Variants in ZFHX3 observed in about 807,000 individuals in gnomAD.
ZFHX3 encodes zinc finger homeobox protein 3.
In ZFHX3, 42 loss-of-function variants were observed where a neutral mutation model predicts 279.1. The observed-to-expected ratio is 0.15, with a 90% CI of 0.12 to 0.19. ZFHX3 has a LOEUF of 0.19. Ranked by LOEUF, ZFHX3 falls within the 10% of genes least tolerant of loss-of-function variation. ZFHX3 has a pLI of 1.00. For missense variants in ZFHX3, 4,981 were observed against 4,754.0 expected, an observed-to-expected ratio of 1.05 and a Z score of -1.40; for synonymous variants, 2,293 against 1,957.8, an observed-to-expected ratio of 1.17 and a Z score of -4.52.
intron 1 of ZFHX3, chr16:73,015,076 T>C (rs1964054228): frequency 7.4e-6 from 1 of 135,182 alleles, no homozygotes; most frequent in South Asian, 2.6e-4. Context: ...AGATAGGGTC[T>C]CACTCTGTCT....
Position 73,237,725 on chromosome 16 carries a change from G to GT in ZFHX3, c.-1104+19321dup, listed in dbSNP as rs576360376. Among the ~76,000 whole-genome samples the GT allele has an allele frequency of 2.2e-3, 338 of 151,562 alleles. 2 individuals are homozygous for GT. The highest frequency in any genetic ancestry group is 0.014 in the Middle Eastern group (4 of 294). ...CCCCGCCTCACTTCTTCACCATGAG[G>GT]TTTTTTTTCTCATAGCCTATGTTAT... On this transcript the variant is annotated intron_variant, in intron 5 of 17. Coordinates refer to the ZFHX3 transcript ENST00000641206.
chr16:73,058,361 G>GGGC (rs1317430540), intron 1 of ZFHX3, among the ~76,000 whole-genome samples: 3 of 149,142 alleles, frequency 2.0e-5, no homozygotes, highest in Non-Finnish European at 4.5e-5. Flanking sequence ...CGGGGAGCGC[G>GGGC]GGCGGCGGCG....
At chr16:73,333,691 A>G (rs1381402450) in intron 3 of ZFHX3, among the ~76,000 whole-genome samples, 1 of 152,024 alleles carries the variant, frequency 6.6e-6, no homozygotes, top group East Asian at 1.9e-4. Context: ...ATAACCAGCA[A>G]AAGAACTGGA....
At chr16:73,560,230 T>G (rs1029344545) in intron 2 of ZFHX3, among the ~76,000 whole-genome samples, 1 of 89,972 alleles carries the variant, frequency 1.1e-5, no homozygotes, top group African/African-American at 6.0e-5. Context: ...GACCGCAATG[T>G]GCAAGAGATG....
chr16:73,568,067 A>G (rs181187785), intron 2 of ZFHX3, among the ~76,000 whole-genome samples: 2 of 152,326 alleles, frequency 1.3e-5, no homozygotes, highest in East Asian at 3.9e-4. Flanking sequence ...TGAATGTCAC[A>G]AACACCATTC....
chr16:73,070,928 G>A lies in ZFHX3; in HGVS notation c.-532-11916C>T, dbSNP rs1174132967. On this transcript the variant is annotated intron_variant, in intron 8 of 17. Transcript: ENST00000641206. ...CCTAGACCGTCTTGCGCGCGCGCGC[G>A]CGCGCGCGCGCACACACACACACAC... 7.0e-3 allele frequency among the ~76,000 whole-genome samples: 220 copies of A among 31,408 alleles called. 1 individual carries two copies. The highest frequency in any genetic ancestry group is 0.017 in the African/African-American group (211 of 12,288). The allele number at this position is 31,408 out of a possible 152,430, so 20.6% of individuals were successfully genotyped here.
chr16:73,305,332 G>A (rs1265465317), intron 4 of ZFHX3, among the ~76,000 whole-genome samples: 3 of 152,138 alleles, frequency 2.0e-5, no homozygotes, highest in Non-Finnish European at 4.4e-5. Flanking sequence ...TCATTATGAA[G>A]GAGAGCAACA....
chr16:73,449,326 G>A (rs79060970), intron 3 of ZFHX3, among the ~76,000 whole-genome samples: 2,215 of 152,160 alleles, frequency 0.015, 55 homozygotes, highest in African/African-American at 0.051. Context: ...TTAGGCATGC[G>A]CAAGAAATTA....
chr16:72,874,230 A>G (rs1481105955), intron 4 of ZFHX3, among the ~76,000 whole-genome samples: 1 of 94,790 alleles, frequency 1.1e-5, no homozygotes, highest in African/African-American at 5.8e-5. Flanking sequence ...TTTTTTTGAG[A>G]CAGTCTCACT....
intron 5 of ZFHX3, among the ~76,000 whole-genome samples, chr16:73,188,524 T>A (rs1194597689): frequency 6.6e-6 from 1 of 152,232 alleles, no homozygotes; most frequent in Non-Finnish European, 1.5e-5. Flanking sequence ...TTTGACTTGC[T>A]TCCTCTCTAG....
At chr16:73,206,045 G>A (rs2011788355) in intron 5 of ZFHX3, among the ~76,000 whole-genome samples, 2 of 152,222 alleles carry the variant, frequency 1.3e-5, no homozygotes, top group South Asian at 2.1e-4. Context: ...AGAAAACAAC[G>A]GATATTCTGC....
At chr16:73,681,874 G>C (rs1302501284) in intron 1 of ZFHX3, among the ~76,000 whole-genome samples, 1 of 152,190 alleles carries the variant, frequency 6.6e-6, no homozygotes, top group Non-Finnish European at 1.5e-5. Context: ...CTATGTATTA[G>C]TGACTTCCTC....
rs117818071 is a variant in ZFHX3 at position 73,691,669 on chromosome 16, A to G, written c.-1607-11429T>C. On this transcript the variant is annotated intron_variant, in intron 1 of 17. Transcript: ENST00000641206. ...TTCCCATTTTACATCAGGCTTACAG[A>G]GATTAAGTAACTTCCCAAGAAAAAC... Among the ~76,000 whole-genome samples, 750 of 152,346 alleles carry G rather than the reference A, an allele frequency of 4.9e-3. 1 individual carries two copies. The highest frequency in any genetic ancestry group is 8.1e-3 in the Non-Finnish European group (551 of 68,036).
intron 2 of ZFHX3, among the ~76,000 whole-genome samples, chr16:73,468,864 G>T (rs548455015): frequency 2.8e-4 from 43 of 152,206 alleles, no homozygotes; most frequent in Admixed American, 2.6e-4. Context: ...CTTCATATAG[G>T]GTCAGCTCTG....
chr16:73,886,283 ATAT>A (rs1243257686), intron 1 of ZFHX3, among the ~76,000 whole-genome samples: 1 of 152,172 alleles, frequency 6.6e-6, no homozygotes, highest in East Asian at 1.9e-4. Flanking sequence ...TTATGGATTA[ATAT>A]TATCAAATTT....
intron 2 of ZFHX3, among the ~76,000 whole-genome samples, chr16:73,473,008 AC>A (rs2018696028): frequency 6.8e-6 from 1 of 146,866 alleles, no homozygotes; most frequent in African/African-American, 2.5e-5. Flanking sequence ...TTTTGCCAGG[AC>A]CCTGACTAGT....
chr16:73,291,792 T>C (rs890423742), intron 4 of ZFHX3, among the ~76,000 whole-genome samples: 1 of 152,234 alleles, frequency 6.6e-6, no homozygotes, highest in African/African-American at 2.4e-5. Flanking sequence ...TTGATCATTC[T>C]ACATGAGAGA....
In ZFHX3 at chr16:72,787,449, G is replaced by A. The variant is rs1471343324; in HGVS notation, c.10827C>T (p.Ser3609=). Residue 3609 remains serine, a synonymous_variant, in exon 10 of 10, where the codon TCC becomes TCT. Coordinates refer to ENST00000268489, the MANE Select transcript of ZFHX3 (RefSeq NM_006885.4). ...GCCAAGACTTCCTGGAGGCGTGGGG[G>A]GAAGCGGAGGAGGGGGCGGCGGCCG... The part of the protein sequence containing the change: ...PPSAAAPSSA[S]PHASRKSWPQ... 3 of 1,604,582 alleles carry A rather than the reference G, an allele frequency of 1.9e-6. No individual in the cohort carries two copies. The highest frequency in any genetic ancestry group is 1.3e-5 in the African/African-American group (1 of 74,662).
intron 5 of ZFHX3, among the ~76,000 whole-genome samples, chr16:73,210,892 C>T (rs2144909784): frequency 6.6e-6 from 1 of 152,124 alleles, no homozygotes; most frequent in African/African-American, 2.4e-5. Flanking sequence ...GTGGGATGCA[C>T]AGATAGCAAA....
Sources: gnomAD v4.1 joint callset for allele counts (sites outside exome capture counted in the v4.1 genomes callset) on GRCh38, gnomAD v4.1.1 for gene constraint, MANE v1.5 for transcripts, NCBI Gene and HGNC (gene_info 2026-07-23, HGNC 2026-07-21) for gene names.